ARAP2: variants seen among roughly 807,000 people sequenced by gnomAD.
ARAP2 encodes ArfGAP with RhoGAP domain, ankyrin repeat and PH domain 2.
A neutral mutation model predicts 194.5 loss-of-function variants in ARAP2; 148 were observed. That is an observed-to-expected ratio of 0.76 (90% CI 0.67 to 0.87). ARAP2 has a LOEUF of 0.87. ARAP2 is among the 40% of genes least tolerant of loss of function. ARAP2 has a pLI of 0.00. For synonymous variants in ARAP2, 695 were observed against 683.5 expected (o/e 1.02, Z -0.26); for missense variants, 2,128 against 1,989.7 (o/e 1.07, Z -1.32).
chr4:36,160,629 T>C lies in ARAP2; in HGVS notation c.2272A>G (p.Ile758Val), dbSNP rs1733683245. ...AAGTCATTTGCTCTTTTGTTTCCAA[T>C]GACAATAAAAAGCTGAATTGTCAAA... ...SNELIELFIVIGNKRANDFWA... is the reference protein window; with the variant it reads ...SNELIELFIVVGNKRANDFWA... Residue 758 changes from isoleucine to valine, a missense_variant, in exon 13 of 33, where the codon ATT becomes GTT. By Grantham distance (29) the Ile-to-Val change is conservative. Coordinates refer to ENST00000303965, the MANE Select transcript of ARAP2 (RefSeq NM_015230.4). 3.4e-6 allele frequency: 5 copies of C among 1,449,322 alleles called. No individual in the cohort carries two copies. In the African/African-American group the frequency reaches 4.8e-5, roughly 14 times the overall value. The allele number at this position is 1,449,322 out of a possible 1,614,324, so 89.8% of individuals were successfully genotyped here.
intron 1 of ARAP2, among the ~76,000 whole-genome samples, chr4:36,238,115 C>A (rs1052279391): frequency 1.8e-4 from 27 of 152,096 alleles, no homozygotes; most frequent in Admixed American, 1.8e-3. Flanking sequence ...TGGCAACATC[C>A]GCCCCATTAA....
At chr4:36,034,934 G>A (rs1202309905) in intron 5 of ARAP2, among the ~76,000 whole-genome samples, 1 of 152,010 alleles carries the variant, frequency 6.6e-6, no homozygotes, top group Non-Finnish European at 1.5e-5. Context: ...TCCCAAGGTT[G>A]CCTATTCAAT....
chr4:36,219,283 A>G (rs1748662691), intron 2 of ARAP2, among the ~76,000 whole-genome samples: 1 of 152,210 alleles, frequency 6.6e-6, no homozygotes, highest in Admixed American at 6.5e-5. Context: ...ATATATGTCA[A>G]TGGGCAAATG....
At chr4:36,240,439 T>C (rs1304228447) in intron 1 of ARAP2, among the ~76,000 whole-genome samples, 1 of 152,198 alleles carries the variant, frequency 6.6e-6, no homozygotes, top group Non-Finnish European at 1.5e-5. Context: ...ATGATGATAA[T>C]TTCACCTGAA....
chr4:36,106,330 G>C (rs1226888567), intron 27 of ARAP2, among the ~76,000 whole-genome samples: 1 of 151,906 alleles, frequency 6.6e-6, no homozygotes, highest in South Asian at 2.1e-4. Flanking sequence ...ACAGGATAAA[G>C]GTCTCGGAAA....
At chr4:36,036,293 T>G (rs1438247987) in intron 5 of ARAP2, among the ~76,000 whole-genome samples, 1 of 152,148 alleles carries the variant, frequency 6.6e-6, no homozygotes, top group African/African-American at 2.4e-5. Flanking sequence ...AGTTTAAATC[T>G]TCTAATCCAT....
intron 23 of ARAP2, among the ~76,000 whole-genome samples, chr4:36,120,526 C>G (rs1191360981): frequency 6.6e-6 from 1 of 151,514 alleles, no homozygotes; most frequent in Non-Finnish European, 1.5e-5. Context: ...GGTTAAATGA[C>G]AAAATTGAGG....
chr4:36,193,479 T>G, intron 7 of ARAP2, 99 bp downstream of exon 7: 2 of 618,954 alleles, frequency 3.2e-6, no homozygotes, highest in South Asian at 3.0e-5. Context: ...CTTTTCATGT[T>G]GAGAATCTAC....
rs1362477268 is a variant in ARAP2 at position 36,067,923 on chromosome 4, TC to T, written c.5098del (p.Glu1700SerfsTer4). 3.8e-6 allele frequency: 6 copies of T among 1,580,754 alleles called. No individual in the cohort carries two copies. The African/African-American group carries it at 8.2e-5, about 21-fold the overall frequency. On this transcript the variant is annotated frameshift_variant, in exon 33 of 33. Coordinates refer to ENST00000303965, the MANE Select transcript of ARAP2 (RefSeq NM_015230.4). LOFTEE classifies it high-confidence loss of function. ...TTTTATTTCCTACTTCAAAATCTGC[TC>T]ATCCTGTAATTCTTTTGGAAGGGTT... ...SRTLPKELQDEQILK is the reference protein window; with the variant it reads ...SRTLPKELQDXQILK
intron 19 of ARAP2, among the ~76,000 whole-genome samples, chr4:36,141,587 T>G (rs924076113): frequency 6.6e-6 from 1 of 151,730 alleles, no homozygotes; most frequent in Admixed American, 6.6e-5. Flanking sequence ...TTTATGAACA[T>G]TTCCAGTTTA....
At chr4:36,093,016 T>C (rs1714148362) in intron 27 of ARAP2, among the ~76,000 whole-genome samples, 2 of 152,156 alleles carry the variant, frequency 1.3e-5, no homozygotes. Flanking sequence ...CATGGAGTAT[T>C]ATGTGGCCAT....
chr4:36,211,158 C>T (rs976508944), intron 5 of ARAP2, among the ~76,000 whole-genome samples: 1 of 152,112 alleles, frequency 6.6e-6, no homozygotes, highest in Non-Finnish European at 1.5e-5. Context: ...AATTTGCTTA[C>T]CCCTCTCTAC....
chr4:36,035,707 T>G (rs932506727), intron 5 of ARAP2, among the ~76,000 whole-genome samples: 1 of 152,146 alleles, frequency 6.6e-6, no homozygotes, highest in Non-Finnish European at 1.5e-5. Context: ...TTTTAAATTT[T>G]TGTTTAAGAA....
intron 1 of ARAP2, among the ~76,000 whole-genome samples, chr4:36,058,574 CGA>C (rs1311704850): frequency 6.6e-6 from 1 of 152,130 alleles, no homozygotes; most frequent in African/African-American, 2.4e-5. Flanking sequence ...CAGCAACAGC[CGA>C]GTTTGTTTTT....
chr4:36,140,561 G>T (rs939543035), intron 19 of ARAP2, among the ~76,000 whole-genome samples: 1 of 151,596 alleles, frequency 6.6e-6, no homozygotes, highest in African/African-American at 2.4e-5. Context: ...TGTTTAATTT[G>T]CAATTACATG....
chr4:36,210,817 T>A, intron 5 of ARAP2, 74 bp from the exon 6 acceptor site: 1 of 1,070,984 alleles, frequency 9.3e-7, no homozygotes, highest in South Asian at 1.6e-5. Context: ...TTTGAAAATT[T>A]ATAAATAACT....
At chr4:36,181,402 TTA>T (rs1052416441) in intron 8 of ARAP2, among the ~76,000 whole-genome samples, 1 of 132,080 alleles carries the variant, frequency 7.6e-6, no homozygotes. Flanking sequence ...AGTATAAGAA[TTA>T]AAAAAAAAAG....
At chr4:36,224,890 T>C (rs1016330197) in intron 2 of ARAP2, among the ~76,000 whole-genome samples, 2 of 152,216 alleles carry the variant, frequency 1.3e-5, no homozygotes, top group Non-Finnish European at 2.9e-5. Flanking sequence ...GATATCCTTC[T>C]GTATATTTCT....
At chr4:36,134,151 TATA>T (rs1726090613) in intron 19 of ARAP2, among the ~76,000 whole-genome samples, 1 of 151,778 alleles carries the variant, frequency 6.6e-6, no homozygotes, top group South Asian at 2.1e-4. Context: ...GCAAAATAAA[TATA>T]ATAATAGCAC....
Sources: allele counts gnomAD v4.1 joint callset (sites outside exome capture counted in the v4.1 genomes callset), GRCh38; gene constraint gnomAD v4.1.1; transcripts MANE v1.5; gene names NCBI Gene and HGNC (gene_info 2026-07-23, HGNC 2026-07-21).